Variants in MAGI2 observed in about 807,000 individuals in gnomAD.
MAGI2 encodes the protein membrane associated guanylate kinase, WW and PDZ domain containing 2.
MAGI2 carries 35 observed loss-of-function variants against 133.3 expected under a neutral mutation model. The ratio of observed to expected loss-of-function variants is 0.26; its 90% CI spans 0.20 to 0.35. The LOEUF is 0.35. Among genes scored for constraint, MAGI2 ranks in the 10% least tolerant of loss-of-function variants. MAGI2 has a pLI of 1.00. For missense variants in MAGI2, 1,636 were observed against 1,863.4 expected, an observed-to-expected ratio of 0.88 and a Z score of 2.25; for synonymous variants, 729 against 710.6, an observed-to-expected ratio of 1.03 and a Z score of -0.41.
intron 1 of MAGI2, among the ~76,000 whole-genome samples, chr7:79,253,108 G>A (rs1272561011): frequency 6.6e-6 from 1 of 152,088 alleles, no homozygotes; most frequent in Non-Finnish European, 1.5e-5. Context: ...TCAGGGTGTT[G>A]GAAGAATAAG....
chr7:78,718,766 C>T (rs963536207), intron 2 of MAGI2, among the ~76,000 whole-genome samples: 1 of 151,920 alleles, frequency 6.6e-6, no homozygotes. Context: ...CGAAACTATC[C>T]ATCCCCGCAC....
intron 1 of MAGI2, among the ~76,000 whole-genome samples, chr7:79,243,185 A>G (rs181311479): frequency 1.3e-3 from 205 of 152,294 alleles, no homozygotes; most frequent in African/African-American, 4.7e-3. Flanking sequence ...CAGTGTTCTG[A>G]AAAGCCCCAT....
At chr7:79,172,956 C>T (rs1825753977) in intron 1 of MAGI2, 1 of 151,912 alleles carries the variant, frequency 6.6e-6, no homozygotes, top group African/African-American at 2.4e-5. Context: ...GATAATACTG[C>T]AAAGCGCTTG....
At chr7:79,441,423 T>G (rs897501652) in intron 1 of MAGI2, among the ~76,000 whole-genome samples, 1 of 152,196 alleles carries the variant, frequency 6.6e-6, no homozygotes, top group African/African-American at 2.4e-5. Flanking sequence ...GACTTTCCAG[T>G]TAATTTTAAA....
At chr7:78,286,217 T>C (rs565710027) in intron 9 of MAGI2, among the ~76,000 whole-genome samples, 1 of 152,204 alleles carries the variant, frequency 6.6e-6, no homozygotes, top group South Asian at 2.1e-4. Flanking sequence ...TCCCTCCCTC[T>C]CTCTATTCCT....
At chr7:78,145,951 T>C (rs1823271042) in intron 16 of MAGI2, among the ~76,000 whole-genome samples, 2 of 152,152 alleles carry the variant, frequency 1.3e-5, no homozygotes, top group South Asian at 4.1e-4. Context: ...GAATTAGGGA[T>C]TCAACATATA....
intron 6 of MAGI2, among the ~76,000 whole-genome samples, chr7:78,423,207 C>G (rs375407014): frequency 6.6e-6 from 1 of 152,084 alleles, no homozygotes; most frequent in Non-Finnish European, 1.5e-5. Flanking sequence ...TTCCTGTGAT[C>G]TTCTCGTGAT....
intron 9 of MAGI2, among the ~76,000 whole-genome samples, chr7:78,292,561 T>C (rs946153117): frequency 1.3e-5 from 2 of 152,198 alleles, no homozygotes; most frequent in African/African-American, 4.8e-5. Flanking sequence ...AATGACTTTC[T>C]TCACAGAATT....
At chr7:78,919,797 T>A (rs1281069545) in intron 2 of MAGI2, among the ~76,000 whole-genome samples, 1 of 152,154 alleles carries the variant, frequency 6.6e-6, no homozygotes, top group East Asian at 1.9e-4. Context: ...TTTAAAATTC[T>A]AAAACATAAT....
chr7:78,284,512 AT>A (rs1209956953), intron 9 of MAGI2, among the ~76,000 whole-genome samples: 2 of 149,630 alleles, frequency 1.3e-5, no homozygotes, highest in East Asian at 3.9e-4. Context: ...GATCACGCTG[AT>A]TTGGCCAGAA....
At chr7:79,430,341 A>G (rs929848488) in intron 1 of MAGI2, among the ~76,000 whole-genome samples, 6 of 152,172 alleles carry the variant, frequency 3.9e-5, no homozygotes, top group African/African-American at 1.4e-4. Flanking sequence ...TCAGCATATA[A>G]TTTAATGCCT....
chr7:78,239,906 A>G (rs921425349), intron 10 of MAGI2, among the ~76,000 whole-genome samples: 1 of 152,256 alleles, frequency 6.6e-6, no homozygotes, highest in African/African-American at 2.4e-5. Context: ...CACTAGGTAT[A>G]TATCTGAAGG....
In MAGI2 at chr7:78,018,281, G is replaced by A. The variant is rs1563004036; in HGVS notation, c.*1034C>T. 1 of 152,578 alleles carries A rather than the reference G, an allele frequency of 6.6e-6. No individual in the cohort carries two copies. The highest frequency in any genetic ancestry group is 1.5e-5 in the Non-Finnish European group (1 of 68,030). The allele number at this position is 152,578 out of a possible 1,614,324, so 9.5% of individuals were successfully genotyped here. A position where few individuals can be genotyped will look rare whatever the true frequency, so the allele number is the denominator to read the frequency against. On this transcript the variant is annotated 3_prime_UTR_variant, in exon 22 of 22. Coordinates refer to ENST00000354212, the MANE Select transcript of MAGI2 (RefSeq NM_012301.4). Reference sequence around the variant, plus strand: ...GTAATTTTTTAATATTATAATCTGAGAAATATAAGACAAATACTCTGCCTC... The same window carrying A: ...GTAATTTTTTAATATTATAATCTGAAAAATATAAGACAAATACTCTGCCTC...
intron 2 of MAGI2, among the ~76,000 whole-genome samples, chr7:78,918,003 A>G (rs1311890489): frequency 2.0e-5 from 3 of 152,090 alleles, no homozygotes; most frequent in Non-Finnish European, 4.4e-5. Flanking sequence ...TCATTGTTCA[A>G]GAGTTTTTAT....
chr7:78,234,717 T>C (rs1790348966), intron 10 of MAGI2, among the ~76,000 whole-genome samples: 1 of 150,462 alleles, frequency 6.6e-6, no homozygotes. Flanking sequence ...TATAGGTGAT[T>C]TCGTTCATTT....
chr7:78,824,093 A>G (rs1790411025), intron 2 of MAGI2, among the ~76,000 whole-genome samples: 1 of 152,242 alleles, frequency 6.6e-6, no homozygotes, highest in Admixed American at 6.5e-5. Context: ...ATTGATAAAC[A>G]CATTTAAATG....
In MAGI2 at chr7:79,398,013, A is replaced by G. The variant is rs116518039; in HGVS notation, c.301+55007T>C. Reference sequence around the variant, plus strand: ...CTAATGTAAGATAACAGAATTATTTATTCTCATATGTTTTGTCCATGTGCC... The same window carrying G: ...CTAATGTAAGATAACAGAATTATTTGTTCTCATATGTTTTGTCCATGTGCC... On this transcript the variant is annotated intron_variant, in intron 1 of 21. Transcript: ENST00000354212. Among the ~76,000 whole-genome samples the G allele has an allele frequency of 2.2e-3, 331 of 152,286 alleles. 1 individual carries two copies. Among genetic ancestry groups the G allele is most frequent in the African/African-American group, 7.7e-3 (321 of 41,570 alleles).
chr7:78,086,708 C>G (rs569447416), intron 20 of MAGI2, among the ~76,000 whole-genome samples: 4 of 151,398 alleles, frequency 2.6e-5, no homozygotes, highest in African/African-American at 9.7e-5. Context: ...GACCTCGGCT[C>G]GCTGCAACAT....
At chr7:78,659,938 C>T (rs12535634) in intron 2 of MAGI2, among the ~76,000 whole-genome samples, 49,708 of 151,882 alleles carry the variant, frequency 0.33, 8,283 homozygotes, top group African/African-American at 0.36. Context: ...GAATACTATG[C>T]AGCCATAAAA....
Sources: gnomAD v4.1 joint callset for allele counts (sites outside exome capture counted in the v4.1 genomes callset) on GRCh38, gnomAD v4.1.1 for gene constraint, MANE v1.5 for transcripts, NCBI Gene and HGNC (gene_info 2026-07-23, HGNC 2026-07-21) for gene names.